The following TACR3 variants were observed in gnomAD, a reference collection of about 807,000 sequenced individuals.
TACR3 encodes the protein neuromedin-K receptor.
Under a neutral mutation model 35.0 loss-of-function variants are expected in TACR3, and 34 were observed. The ratio of observed to expected loss-of-function variants is 0.97; its 90% confidence interval spans 0.74 to 1.30. The LOEUF is 1.30. TACR3 is among the 50% of genes most tolerant of loss of function. TACR3 has a pLI of 0.00. For synonymous variants in TACR3, 233 were observed against 221.1 expected (o/e 1.05, Z -0.48); for missense variants, 558 against 591.7 (o/e 0.94, Z 0.59).
intron 1 of TACR3, among the ~76,000 whole-genome samples, chr4:103,712,646 C>T (rs1449481526): frequency 1.3e-5 from 2 of 152,136 alleles, no homozygotes; most frequent in Non-Finnish European, 2.9e-5. Flanking sequence ...AACTAAAGAG[C>T]TTCTGCACAG....
In TACR3 at chr4:103,588,069, C is replaced by T. The variant is rs1038504101; in HGVS notation, c.*1613G>A. ...ACATATGTTTAGCTTGTTTAGACTC[C>T]GAACTTTTTGTAACAATTGGATATT... On this transcript the variant is annotated 3_prime_UTR_variant, in exon 5 of 5. Coordinates refer to ENST00000304883, the MANE Select transcript of TACR3 (RefSeq NM_001059.3). The T allele has an allele frequency of 1.2e-4, 18 of 151,586 alleles. No individual in the cohort carries two copies. The highest frequency in any genetic ancestry group is 7.9e-4 in the Admixed American group (12 of 15,182). 9.4% of individuals were successfully genotyped at this position (151,586 alleles called of 1,614,324 possible). A position where few individuals can be genotyped will look rare whatever the true frequency, so the allele number is the denominator to read the frequency against.
chr4:103,683,787 A>G (rs1169698711), intron 1 of TACR3, among the ~76,000 whole-genome samples: 3 of 151,840 alleles, frequency 2.0e-5, no homozygotes, highest in Non-Finnish European at 4.4e-5. Context: ...AGTAGAGAAC[A>G]CTTTATAATT....
intron 3 of TACR3, among the ~76,000 whole-genome samples, chr4:103,597,188 CA>C (rs1450301272): frequency 6.9e-6 from 1 of 145,332 alleles, no homozygotes; most frequent in Non-Finnish European, 1.5e-5. Context: ...CTGACTTCCA[CA>C]ATGGTTGAAC....
At chr4:103,622,558 C>T (rs113810936) in intron 3 of TACR3, among the ~76,000 whole-genome samples, 4,154 of 152,106 alleles carry the variant, frequency 0.027, 72 homozygotes, top group Non-Finnish European at 0.04. Context: ...AGTGAAACCC[C>T]GTCTCTACTA....
intron 3 of TACR3, among the ~76,000 whole-genome samples, chr4:103,623,835 A>C (rs1238603111): frequency 2.0e-5 from 3 of 152,164 alleles, no homozygotes; most frequent in Non-Finnish European, 4.4e-5. Flanking sequence ...GCTCCAGGAA[A>C]TCTCACAGCT....
At chr4:103,669,720 T>A (rs553663926) in intron 1 of TACR3, among the ~76,000 whole-genome samples, 2 of 152,176 alleles carry the variant, frequency 1.3e-5, no homozygotes, top group Admixed American at 1.3e-4. Context: ...GTATTTGAGT[T>A]TCTTATATAT....
intron 1 of TACR3, among the ~76,000 whole-genome samples, chr4:103,692,756 T>C (rs1466604816): frequency 1.3e-5 from 2 of 152,166 alleles, no homozygotes; most frequent in African/African-American, 4.8e-5. Flanking sequence ...TTGTCTATTA[T>C]ATAACTCCAG....
intron 1 of TACR3, among the ~76,000 whole-genome samples, chr4:103,690,013 C>T (rs1357475977): frequency 6.6e-6 from 1 of 151,992 alleles, no homozygotes; most frequent in Admixed American, 6.6e-5. Context: ...TAACAGATGG[C>T]TTTTCATTGA....
chr4:103,611,313 A>G lies in TACR3; in HGVS notation c.889-19630T>C, dbSNP rs183613986. On this transcript the variant is annotated intron_variant, in intron 3 of 4. Coordinates refer to ENST00000304883, the MANE Select transcript of TACR3 (RefSeq NM_001059.3). Reference sequence around the variant, plus strand: ...TTAGTTGCTTTTGTTAATGTTTCATAGTTTTTATTGTAGAGATCTTCCATC... The same window carrying G: ...TTAGTTGCTTTTGTTAATGTTTCATGGTTTTTATTGTAGAGATCTTCCATC... Among the ~76,000 whole-genome samples, 1,036 of 152,220 alleles carry G rather than the reference A, an allele frequency of 6.8e-3. 7 individuals are homozygous for G. The highest frequency in any genetic ancestry group is 0.023 in the African/African-American group (974 of 41,558).
chr4:103,665,228 T>C (rs1725911216), intron 1 of TACR3, among the ~76,000 whole-genome samples: 1 of 152,026 alleles, frequency 6.6e-6, no homozygotes, highest in African/African-American at 2.4e-5. Context: ...ATTTGCTGAC[T>C]CATGTATGAC....
chr4:103,600,629 G>C (rs1350011450), intron 3 of TACR3, among the ~76,000 whole-genome samples: 1 of 152,120 alleles, frequency 6.6e-6, no homozygotes, highest in African/African-American at 2.4e-5. Context: ...ACACTGCTTT[G>C]AATGTGTCCC....
intron 3 of TACR3, among the ~76,000 whole-genome samples, chr4:103,635,442 C>A (rs1242885118): frequency 6.6e-6 from 1 of 151,874 alleles, no homozygotes; most frequent in African/African-American, 2.4e-5. Flanking sequence ...CCACCCCTAC[C>A]CCTGTGCAAA....
chr4:103,604,262 C>A (rs927568420), intron 3 of TACR3, among the ~76,000 whole-genome samples: 1 of 152,166 alleles, frequency 6.6e-6, no homozygotes, highest in African/African-American at 2.4e-5. Context: ...TGATCTTTGA[C>A]AAACCTGACA....
intron 3 of TACR3, among the ~76,000 whole-genome samples, chr4:103,615,862 A>G (rs1724646837): frequency 6.6e-6 from 1 of 152,180 alleles, no homozygotes; most frequent in African/African-American, 2.4e-5. Context: ...TAAGATTTCA[A>G]TTTGTACTGG....
intron 3 of TACR3, among the ~76,000 whole-genome samples, chr4:103,602,314 C>G (rs1406342937): frequency 6.6e-6 from 1 of 152,046 alleles, no homozygotes; most frequent in Admixed American, 6.6e-5. Context: ...CTTTGAACTT[C>G]TTTGCCATTG....
chr4:103,629,877 AAAACAACAACAAC>A (rs1725017631), intron 3 of TACR3, among the ~76,000 whole-genome samples: 1 of 128,040 alleles, frequency 7.8e-6, no homozygotes, highest in African/African-American at 3.0e-5. Flanking sequence ...AAAAACAAAA[AAAACAACAACAAC>A]AACAAAAAAA....
chr4:103,623,956 C>T lies in TACR3; in HGVS notation c.888+32238G>A, dbSNP rs578188527. On this transcript the variant is annotated intron_variant, in intron 3 of 4. Coordinates refer to ENST00000304883, the MANE Select transcript of TACR3 (RefSeq NM_001059.3). ...GTATTTTGTTTTAAAGTAAAACACA[C>T]TACCTTGTTCAATCTAGGTTAACTG... Among the ~76,000 whole-genome samples the T allele has an allele frequency of 3.3e-5, 5 of 152,254 alleles. No individual in the cohort carries two copies. In the South Asian group the frequency reaches 1.0e-3, roughly 32 times the overall value.
intron 1 of TACR3, among the ~76,000 whole-genome samples, chr4:103,706,708 T>C (rs1330909600): frequency 2.0e-5 from 3 of 152,196 alleles, no homozygotes; most frequent in Admixed American, 6.5e-5. Context: ...AAGTTAAATT[T>C]AACTTTCTAA....
intron 1 of TACR3, among the ~76,000 whole-genome samples, chr4:103,701,460 A>T (rs1392110123): frequency 1.3e-5 from 2 of 151,966 alleles, no homozygotes; most frequent in East Asian, 1.9e-4. Context: ...ATATTGTGAA[A>T]ATGGCCATAC....
Sources: gnomAD v4.1 joint callset for allele counts (sites outside exome capture counted in the v4.1 genomes callset) on GRCh38, gnomAD v4.1.1 for gene constraint, MANE v1.5 for transcripts, NCBI Gene and HGNC (gene_info 2026-07-23, HGNC 2026-07-21) for gene names.